The following HIP1 variants were observed in gnomAD, a reference collection of about 807,000 sequenced individuals.
The protein encoded by HIP1 is huntingtin-interacting protein 1.
A neutral mutation model predicts 147.6 loss-of-function variants in HIP1; 65 were observed. The ratio of observed to expected loss-of-function variants is 0.44; its 90% CI spans 0.36 to 0.54. The LOEUF is 0.54. HIP1 is among the 20% of genes least tolerant of loss of function. The pLI is 0.00. For synonymous variants in HIP1, 479 were observed against 504.0 expected, an observed-to-expected ratio of 0.95 and a Z score of 0.67; for missense variants, 1,061 against 1,299.6, an observed-to-expected ratio of 0.82 and a Z score of 2.82.
At chr7:75,716,765 C>T (rs934808443) in intron 1 of HIP1, among the ~76,000 whole-genome samples, 12 of 151,556 alleles carry the variant, frequency 7.9e-5, no homozygotes, top group Non-Finnish European at 1.8e-4. Flanking sequence ...TGTGATCTGC[C>T]GTCTCAGCCT....
chr7:75,614,925 A>G (rs1207257910), intron 1 of HIP1, among the ~76,000 whole-genome samples: 3 of 151,502 alleles, frequency 2.0e-5, no homozygotes, highest in Non-Finnish European at 2.9e-5. Flanking sequence ...GGCACCCACC[A>G]CCCCGCCTGG....
chr7:75,556,178 G>A lies in HIP1; in HGVS notation c.1684-9C>T, dbSNP rs1554493285. 6.2e-7 allele frequency: 1 copy of A among 1,613,608 alleles called. No individual in the cohort carries two copies. Among genetic ancestry groups the A allele is most frequent in the Non-Finnish European group, 8.5e-7 (1 of 1,179,850 alleles). ...GCCCAGTTTGCTTCTGACTGCAAAG[G>A]TGACCACAAGGAAAGAGGGAGACGC... is the stretch of plus-strand genomic sequence containing the variant. On this transcript the variant is annotated splice_polypyrimidine_tract_variant and intron_variant, in intron 17 of 30. Coordinates refer to ENST00000336926, the MANE Select transcript of HIP1 (RefSeq NM_005338.7).
intron 29 of HIP1, 27 bp from the exon 30 acceptor site, chr7:75,539,458 C>T (rs782686432): frequency 6.5e-7 from 1 of 1,529,692 alleles, no homozygotes; most frequent in Admixed American, 1.7e-5. Flanking sequence ...GTGGGATTTT[C>T]TCTTAATCAT....
At chr7:75,737,844 G>A (rs1802075761) in intron 1 of HIP1, among the ~76,000 whole-genome samples, 2 of 152,230 alleles carry the variant, frequency 1.3e-5, no homozygotes, top group Non-Finnish European at 2.9e-5. Flanking sequence ...GCACAAGAGT[G>A]TAGAAGAAAT....
intron 9 of HIP1, among the ~76,000 whole-genome samples, chr7:75,565,064 A>G (rs1305839551): frequency 1.3e-5 from 2 of 152,128 alleles, no homozygotes; most frequent in African/African-American, 4.8e-5. Flanking sequence ...TGAAAGGGGT[A>G]CATGGGCCTT....
At chr7:75,711,590 A>G (rs1382656406) in intron 1 of HIP1, among the ~76,000 whole-genome samples, 1 of 152,230 alleles carries the variant, frequency 6.6e-6, no homozygotes, top group Non-Finnish European at 1.5e-5. Flanking sequence ...TTTGAGATCA[A>G]AAACGCCATC....
intron 29 of HIP1, 104 bp from the exon 30 acceptor site, chr7:75,539,535 G>T: frequency 1.1e-6 from 1 of 881,294 alleles, no homozygotes; most frequent in Non-Finnish European, 1.8e-6. Context: ...GCCCAGGCTG[G>T]TAGTGAACTC....
chr7:75,538,146 C>T lies in HIP1; in HGVS notation c.*26G>A. On this transcript the variant is annotated 3_prime_UTR_variant, in exon 31 of 31. Transcript: ENST00000336926. ...ACGAGATAGGTAACAAGGATTTACA[C>T]TGACATATGGGGTGTTGGTTTGGCT... 1.9e-6 allele frequency: 3 copies of T among 1,591,466 alleles called. No homozygotes were observed. The highest frequency in any genetic ancestry group is 2.6e-6 in the Non-Finnish European group (3 of 1,159,566).
In HIP1 at chr7:75,577,399, T is replaced by C. The variant is rs182007641; in HGVS notation, c.605-3498A>G. Reference sequence around the variant, plus strand: ...TGATGATGAAATAGGTGAATAGAATTCATTACATAGTGTTAACTTTCAGCT... The same window carrying C: ...TGATGATGAAATAGGTGAATAGAATCCATTACATAGTGTTAACTTTCAGCT... On this transcript the variant is annotated intron_variant, in intron 7 of 30. Coordinates refer to ENST00000336926, the MANE Select transcript of HIP1 (RefSeq NM_005338.7). Among the ~76,000 whole-genome samples the C allele has an allele frequency of 1.1e-4, 17 of 151,270 alleles. No individual in the cohort carries two copies. The East Asian group carries it at 3.1e-3, about 28-fold the overall frequency.
At chr7:75,643,931 CG>C (rs1290931631) in intron 1 of HIP1, among the ~76,000 whole-genome samples, 11 of 152,066 alleles carry the variant, frequency 7.2e-5, no homozygotes, top group African/African-American at 2.4e-5. Context: ...CCCTGGGAGG[CG>C]GAGGTTGCAG....
At chr7:75,686,922 T>A (rs1800281342) in intron 1 of HIP1, among the ~76,000 whole-genome samples, 3 of 147,516 alleles carry the variant, frequency 2.0e-5, no homozygotes, top group Non-Finnish European at 3.0e-5. Context: ...TGGACTCAAA[T>A]GATCCTCCAC....
chr7:75,690,649 G>C (rs1406755786), intron 1 of HIP1, among the ~76,000 whole-genome samples: 2 of 151,880 alleles, frequency 1.3e-5, no homozygotes, highest in Non-Finnish European at 2.9e-5. Context: ...GATCACCTGA[G>C]GTCAGGAGTT....
chr7:75,696,724 C>T (rs1240703056), intron 1 of HIP1, among the ~76,000 whole-genome samples: 2 of 150,864 alleles, frequency 1.3e-5, no homozygotes, highest in Admixed American at 6.6e-5. Context: ...CCTCAACCTC[C>T]GAGTGGCTGG....
Position 75,534,564 on chromosome 7 carries a change from G to T in HIP1, c.*3608C>A, listed in dbSNP as rs1794013764. ...TTCTCCTGCCTCAGCCTCCCCAGTA[G>T]CTGGGATTATAGGCGCCTGCCACCA... On this transcript the variant is annotated 3_prime_UTR_variant, in exon 31 of 31. Coordinates refer to ENST00000336926, the MANE Select transcript of HIP1 (RefSeq NM_005338.7). 5.7e-6 allele frequency: 1 copy of T among 176,026 alleles called. No homozygotes were observed. The highest frequency in any genetic ancestry group is 6.3e-5 in the Admixed American group (1 of 15,752). 10.9% of individuals were successfully genotyped at this position (176,026 alleles called of 1,614,324 possible). A position where few individuals can be genotyped will look rare whatever the true frequency, so the allele number is the denominator to read the frequency against.
chr7:75,668,689 T>C (rs1043358935), intron 1 of HIP1, among the ~76,000 whole-genome samples: 5 of 152,140 alleles, frequency 3.3e-5, no homozygotes, highest in African/African-American at 1.2e-4. Flanking sequence ...GATAGCACCA[T>C]CAGCTCACCG....
At chr7:75,560,421 A>G (rs1795187469) in intron 13 of HIP1, among the ~76,000 whole-genome samples, 1 of 152,088 alleles carries the variant, frequency 6.6e-6, no homozygotes, top group Non-Finnish European at 1.5e-5. Context: ...GCTAATTTTT[A>G]AAAAGTTTTT....
At position 75,538,156 on chromosome 7, in the gene HIP1, G is replaced by C; in HGVS notation, c.*16C>G. On this transcript the variant is annotated 3_prime_UTR_variant, in exon 31 of 31. Coordinates refer to ENST00000336926, the MANE Select transcript of HIP1 (RefSeq NM_005338.7). ...TAACAAGGATTTACACTGACATATG[G>C]GGTGTTGGTTTGGCTCTATTCTTTT... 6.3e-7 allele frequency: 1 copy of C among 1,599,690 alleles called. No individual in the cohort carries two copies. The highest frequency in any genetic ancestry group is 8.6e-7 in the Non-Finnish European group (1 of 1,167,180).
chr7:75,599,391 G>A (rs942989843), intron 1 of HIP1, 144 bp from the exon 2 acceptor site: 5 of 652,446 alleles, frequency 7.7e-6, no homozygotes, highest in African/African-American at 3.6e-5. Flanking sequence ...CTCTGCAGGC[G>A]CCCAGCTGGG....
intron 1 of HIP1, among the ~76,000 whole-genome samples, chr7:75,689,578 ATG>A (rs1406658834): frequency 3.9e-5 from 6 of 152,344 alleles, no homozygotes; most frequent in Non-Finnish European, 7.3e-5. Context: ...ATATATATAA[ATG>A]TGTGTTCATA....
Sources: allele counts gnomAD v4.1 joint callset (sites outside exome capture counted in the v4.1 genomes callset), GRCh38; gene constraint gnomAD v4.1.1; transcripts MANE v1.5; gene names NCBI Gene and HGNC (gene_info 2026-07-23, HGNC 2026-07-21).